Variants in ADAMTS9 observed in about 807,000 individuals in gnomAD.
The protein encoded by ADAMTS9 is A disintegrin and metalloproteinase with thrombospondin motifs 9.
A neutral mutation model predicts 257.1 loss-of-function variants in ADAMTS9; 107 were observed. The observed-to-expected ratio is 0.42, with a 90% CI of 0.36 to 0.49. The LOEUF (loss-of-function observed/expected upper bound fraction) is 0.49, where lower values mean the gene tolerates loss of function less well. Among genes scored for constraint, ADAMTS9 ranks in the 20% least tolerant of loss-of-function variants. The pLI is 0.03. For missense variants in ADAMTS9, 2,353 were observed against 2,469.1 expected (o/e 0.95, Z 1.00); for synonymous variants, 982 against 880.9 (o/e 1.11, Z -2.03).
chr3:64,629,237 C>G (rs1700305453), intron 16 of ADAMTS9, among the ~76,000 whole-genome samples: 1 of 152,210 alleles, frequency 6.6e-6, no homozygotes, highest in Non-Finnish European at 1.5e-5. Flanking sequence ...CCTGTACACA[C>G]TTCCCCCACC....
intron 37 of ADAMTS9, 100 bp downstream of exon 37, chr3:64,539,103 A>G: frequency 8.1e-7 from 1 of 1,233,658 alleles, no homozygotes; most frequent in South Asian, 1.3e-5. Context: ...CTCTAGAGCA[A>G]CTGTTCTAAT....
Position 64,631,895 on chromosome 3 carries a change from T to G in ADAMTS9, c.2206A>C (p.Lys736Gln). 1 of 1,613,946 alleles carries G rather than the reference T, an allele frequency of 6.2e-7. No individual in the cohort carries two copies. Among genetic ancestry groups the G allele is most frequent in the African/African-American group, 1.3e-5 (1 of 75,030 alleles). Residue 736 changes from lysine to glutamine, a missense_variant, in exon 15 of 40, where the codon AAA becomes CAA. This residue lies in a region of ADAMTS9 where 360 missense variants were observed against 458.1 expected (regional missense o/e 0.79). Transcript: ENST00000498707. ...QAGCDHVLNSKARRDKCGVCG... is the reference protein window; with the variant it reads ...QAGCDHVLNSQARRDKCGVCG... ...ACCCCACATTTATCTCTCCGGGCTTTTGAGTTTAAAACATGATCGCATCCA... is the reference window on the plus strand; with the variant it reads ...ACCCCACATTTATCTCTCCGGGCTTGTGAGTTTAAAACATGATCGCATCCA...
At chr3:64,518,431 C>T (rs2082807760) in intron 39 of ADAMTS9, among the ~76,000 whole-genome samples, 1 of 152,114 alleles carries the variant, frequency 6.6e-6, no homozygotes, top group African/African-American at 2.4e-5. Context: ...TTCCTTGCAG[C>T]TGAAGACATG....
intron 29 of ADAMTS9, 161 bp from the exon 30 acceptor site, chr3:64,561,912 T>C: frequency 1.5e-6 from 1 of 655,896 alleles, no homozygotes; most frequent in South Asian, 2.0e-5. Flanking sequence ...TCCTAGATCA[T>C]GTCTTAAACC....
At chr3:64,667,831 C>T (rs551608607) in intron 3 of ADAMTS9, among the ~76,000 whole-genome samples, 5 of 151,986 alleles carry the variant, frequency 3.3e-5, no homozygotes, top group African/African-American at 7.2e-5. Context: ...CAAAGCAACC[C>T]GATATGGTAG....
rs150178160 is a variant in ADAMTS9, at chr3:64,621,133, C to T, written c.2794G>A (p.Gly932Ser). The T allele has an allele frequency of 2.7e-5, 43 of 1,613,448 alleles. 1 individual carries two copies. The highest frequency in any genetic ancestry group is 1.1e-4 in the African/African-American group (8 of 74,892). The change falls in exon 19 of 40, where the codon GGT (glycine) becomes AGT (serine). Residue 932 changes from glycine to serine, a missense_variant. Around this residue, in one of 3 missense-constraint regions of ADAMTS9, gnomAD observed 1,402 missense variants for 1,441.4 expected, o/e 0.97. Transcript: ENST00000498707. ...PQPGHITEPC[G>S]TDCDLRWHVA... is the part of the protein sequence containing the mutation. ...GCCCACCTCAGGTCACAGTCTGTAC[C>T]ACAGGGTTCAGTAATGTGTCCAGGC...
intron 9 of ADAMTS9, 46 bp from the exon 10 acceptor site, chr3:64,649,824 T>A (rs772724508): frequency 6.3e-7 from 1 of 1,579,026 alleles, no homozygotes; most frequent in Non-Finnish European, 8.6e-7. Flanking sequence ...ACGGTGGCTG[T>A]CAAGGTCTCC....
At chr3:64,572,935 G>A (rs1195498207) in intron 28 of ADAMTS9, among the ~76,000 whole-genome samples, 1 of 151,998 alleles carries the variant, frequency 6.6e-6, no homozygotes, top group African/African-American at 2.4e-5. Context: ...AAAATTAGCT[G>A]GGCATGGTGG....
intron 16 of ADAMTS9, among the ~76,000 whole-genome samples, chr3:64,629,385 G>A (rs891493539): frequency 3.9e-5 from 6 of 152,266 alleles, no homozygotes; most frequent in Middle Eastern, 3.4e-3. Context: ...TTATATGGTC[G>A]TGTATGACCT....
In ADAMTS9 at chr3:64,683,549, T is replaced by A. The variant is rs538190702; in HGVS notation, c.517-2186A>T. ...TTTTTGTCAGTAAAATGTGTTGTTC[T>A]GAGGATTGGGTTCTTGGAGGATTTG... On this transcript the variant is annotated intron_variant, in intron 2 of 39. Coordinates refer to ENST00000498707, the MANE Select transcript of ADAMTS9 (RefSeq NM_182920.2). 6.6e-5 allele frequency among the ~76,000 whole-genome samples: 10 copies of A among 152,272 alleles called. No individual in the cohort carries two copies. In the East Asian group the frequency reaches 1.5e-3, roughly 24 times the overall value.
In ADAMTS9 at chr3:64,649,840, G is replaced by A. The variant is rs1226860232; in HGVS notation, c.1464-62C>T. ...CGGTGGCTGTCAAGGTCTCCCCCAG[G>A]TAACAGTAAAGGCCACCCCACCATT... On this transcript the variant is annotated intron_variant, in intron 9 of 39. Transcript: ENST00000498707. 7 of 1,555,186 alleles carry A rather than the reference G, an allele frequency of 4.5e-6. No homozygotes were observed. In the Admixed American group the frequency reaches 9.3e-5, roughly 21 times the overall value.
intron 18 of ADAMTS9, 106 bp downstream of exon 18, chr3:64,622,092 C>T: frequency 8.5e-7 from 1 of 1,180,382 alleles, no homozygotes; most frequent in East Asian, 2.6e-5. Context: ...AGAACGTATG[C>T]AGATAGAAGG....
chr3:64,684,828 G>C (rs1701853482), intron 2 of ADAMTS9: 2 of 152,184 alleles, frequency 1.3e-5, no homozygotes, highest in Admixed American at 1.3e-4. Context: ...AGGCTTCAGC[G>C]GGTGTGGAGG....
rs764554074 is a variant in ADAMTS9 at position 64,633,495 on chromosome 3, T to A, written c.2152A>T (p.Ile718Phe). 1.2e-6 allele frequency: 2 copies of A among 1,614,066 alleles called. No individual in the cohort carries two copies. ...GTPCGQDTND[I>F]CVQGLCRQAG... is the part of the protein sequence containing the mutation. ...ACCCGGCAAAGGCCCTGGACACAGA[T>A]ATCATTTGTGTCCTGGCCACAAGGA... Residue 718 changes from isoleucine to phenylalanine, a missense_variant, in exon 14 of 40, where the codon ATC becomes TTC. Coordinates refer to ENST00000498707, the MANE Select transcript of ADAMTS9 (RefSeq NM_182920.2).
At chr3:64,675,493 T>C (rs1701603490) in intron 3 of ADAMTS9, among the ~76,000 whole-genome samples, 1 of 152,112 alleles carries the variant, frequency 6.6e-6, no homozygotes, top group Non-Finnish European at 1.5e-5. Context: ...GTGGCATATG[T>C]CTTTAGTTTT....
rs151008321 is a variant in ADAMTS9 at position 64,657,617 on chromosome 3, C to T, written c.969+885G>A. The stretch of plus-strand genomic sequence containing the variant: ...CCTCCTAAAGTGTTGGGATTACAGG[C>T]ATGAGTGACTGCACTTGGCCATTTT... On this transcript the variant is annotated intron_variant, in intron 4 of 39. Coordinates refer to ENST00000498707, the MANE Select transcript of ADAMTS9 (RefSeq NM_182920.2). Among the ~76,000 whole-genome samples the T allele has an allele frequency of 4.9e-3, 749 of 152,136 alleles. 9 individuals are homozygous for T. The highest frequency in any genetic ancestry group is 0.017 in the African/African-American group (712 of 41,500).
At chr3:64,533,385 T>A in intron 37 of ADAMTS9, 115 bp from the exon 38 acceptor site, 2 of 775,626 alleles carry the variant, frequency 2.6e-6, no homozygotes, top group Non-Finnish European at 4.4e-6. Flanking sequence ...GTTGATTAAT[T>A]GTGATAGCTA....
At chr3:64,532,902 G>C (rs2083000587) in intron 38 of ADAMTS9, among the ~76,000 whole-genome samples, 1 of 152,158 alleles carries the variant, frequency 6.6e-6, no homozygotes, top group Admixed American at 6.5e-5. Context: ...TCCCTGGTTA[G>C]GTGGTTTTTC....
Position 64,622,254 on chromosome 3 carries a change from T to G in ADAMTS9, c.2630A>C (p.Gln877Pro). 6.2e-7 allele frequency: 1 copy of G among 1,614,012 alleles called. No homozygotes were observed. Among genetic ancestry groups the G allele is most frequent in the Middle Eastern group, 1.7e-4 (1 of 6,058 alleles). Residue 877 changes from glutamine to proline, a missense_variant, in exon 18 of 40, where the codon CAG becomes CCG. Around this residue, in one of 3 missense-constraint regions of ADAMTS9, gnomAD observed 1,402 missense variants for 1,441.4 expected, o/e 0.97. Coordinates refer to ENST00000498707, the MANE Select transcript of ADAMTS9 (RefSeq NM_182920.2). ...CCCATGACTGTTCCAGTAAAACTGC[T>G]GAGGTTTATCTTCAATTGGAATATT... is the stretch of plus-strand genomic sequence containing the variant. The part of the protein sequence containing the change: ...SFNIPIEDKP[Q>P]QFYWNSHGPW...
Sources: allele counts gnomAD v4.1 joint callset (sites outside exome capture counted in the v4.1 genomes callset), GRCh38; gene constraint gnomAD v4.1.1; regional missense constraint gnomAD v4.1.1; transcripts MANE v1.5; gene names NCBI Gene and HGNC (gene_info 2026-07-23, HGNC 2026-07-21).